The following TMEM132D variants were observed in gnomAD, a reference collection of about 807,000 sequenced individuals.
TMEM132D encodes transmembrane protein 132D.
TMEM132D carries 21 observed loss-of-function variants against 62.3 expected under a neutral mutation model. The observed-to-expected ratio is 0.34, with a 90% CI of 0.24 to 0.49. The LOEUF is 0.49. Ranked by LOEUF, TMEM132D falls within the 20% of genes least tolerant of loss-of-function variation. TMEM132D has a pLI of 0.99. For missense variants in TMEM132D, 1,346 were observed against 1,402.8 expected (o/e 0.96, Z 0.65); for synonymous variants, 621 against 575.6 (o/e 1.08, Z -1.13).
intron 3 of TMEM132D, among the ~76,000 whole-genome samples, chr12:129,419,139 G>A (rs1398035194): frequency 6.6e-6 from 1 of 152,032 alleles, no homozygotes; most frequent in Non-Finnish European, 1.5e-5. Context: ...AAAATGGGTG[G>A]AGAAAACTAA....
chr12:129,625,347 A>G (rs550690661), intron 2 of TMEM132D, among the ~76,000 whole-genome samples: 61 of 152,362 alleles, frequency 4.0e-4, no homozygotes, highest in Non-Finnish European at 7.1e-4. Context: ...TTCTCAAATA[A>G]AGTGACATTA....
At chr12:129,168,773 G>A (rs111316092) in intron 5 of TMEM132D, among the ~76,000 whole-genome samples, 253 of 152,252 alleles carry the variant, frequency 1.7e-3, no homozygotes, top group Middle Eastern at 3.4e-3. Flanking sequence ...ATTTTGATGG[G>A]AACCCAAAAG....
intron 1 of TMEM132D, among the ~76,000 whole-genome samples, chr12:129,749,372 T>A (rs947299608): frequency 6.6e-6 from 1 of 152,188 alleles, no homozygotes. Flanking sequence ...AGTAAAACTT[T>A]CATGAACTGT....
At chr12:129,365,576 C>T (rs1418800816) in intron 3 of TMEM132D, among the ~76,000 whole-genome samples, 2 of 152,098 alleles carry the variant, frequency 1.3e-5, no homozygotes, top group Non-Finnish European at 1.5e-5. Context: ...GAAAGAGGAA[C>T]CAGGATGGAG....
At chr12:129,353,322 A>C (rs943910255) in intron 3 of TMEM132D, among the ~76,000 whole-genome samples, 2 of 152,166 alleles carry the variant, frequency 1.3e-5, no homozygotes, top group Admixed American at 6.5e-5. Context: ...TGAAGCAAGG[A>C]AAATTTAAAA....
intron 5 of TMEM132D, among the ~76,000 whole-genome samples, chr12:129,114,394 T>TTCCTTCCCTCCTTCCC (rs58911236): frequency 1.2e-3 from 182 of 146,388 alleles, no homozygotes; most frequent in East Asian, 9.6e-3. Flanking sequence ...AACTCCTTCC[T>TTCCTTCCCTCCTTCCC]TCCTTCCCTC....
chr12:129,074,467 C>T lies in TMEM132D; in HGVS notation c.2708G>A (p.Gly903Glu), dbSNP rs1379305149. 1.9e-6 allele frequency: 3 copies of T among 1,614,134 alleles called. No homozygotes were observed. Among genetic ancestry groups the T allele is most frequent in the Non-Finnish European group, 2.5e-6 (3 of 1,180,028 alleles). The part of the protein sequence containing the change: ...DLPRSNGEMD[G>E]NDLMQASKGL... The stretch of plus-strand genomic sequence containing the variant: ...TTTGGATGCCTGCATAAGGTCATTC[C>T]CATCCATTTCCCCATTGCTTCTGGG... Residue 903 changes from glycine to glutamate, a missense_variant, in exon 9 of 9, where the codon GGG becomes GAG. Coordinates refer to ENST00000422113, the MANE Select transcript of TMEM132D (RefSeq NM_133448.3).
At chr12:129,572,473 A>G (rs866071246) in intron 2 of TMEM132D, among the ~76,000 whole-genome samples, 1 of 151,858 alleles carries the variant, frequency 6.6e-6, no homozygotes, top group Middle Eastern at 3.4e-3. Flanking sequence ...GTTGAGACGG[A>G]GTTTCACTCT....
chr12:129,651,125 G>C (rs568221086), intron 2 of TMEM132D, among the ~76,000 whole-genome samples: 19 of 152,120 alleles, frequency 1.2e-4, no homozygotes, highest in Admixed American at 2.6e-4. Flanking sequence ...CAATAAGTTT[G>C]TTATCATGTC....
chr12:129,253,585 T>G lies in TMEM132D; in HGVS notation c.1300-43922A>C, dbSNP rs572461848. ...CACTGGGCTTTATACCTACTATTTC[T>G]GACACTGAGCAAAGGGGATACCTTA... is the stretch of plus-strand genomic sequence containing the variant. On this transcript the variant is annotated intron_variant, in intron 4 of 8. Coordinates refer to ENST00000422113, the MANE Select transcript of TMEM132D (RefSeq NM_133448.3). 9.2e-5 allele frequency among the ~76,000 whole-genome samples: 14 copies of G among 152,352 alleles called. No individual in the cohort carries two copies. The South Asian group carries it at 2.5e-3, about 27-fold the overall frequency.
intron 4 of TMEM132D, among the ~76,000 whole-genome samples, chr12:129,279,827 C>T (rs1881093869): frequency 6.6e-6 from 1 of 152,254 alleles, no homozygotes; most frequent in Non-Finnish European, 1.5e-5. Context: ...GTGCAATTCA[C>T]TTCTAAATGA....
intron 5 of TMEM132D, among the ~76,000 whole-genome samples, chr12:129,137,438 C>CT (rs1876617561): frequency 6.6e-6 from 1 of 152,174 alleles, no homozygotes. Context: ...GTCAGGGAGG[C>CT]TAAGTCACTT....
intron 3 of TMEM132D, among the ~76,000 whole-genome samples, chr12:129,489,794 G>T (rs1874705579): frequency 1.3e-5 from 2 of 152,126 alleles, no homozygotes; most frequent in Non-Finnish European, 2.9e-5. Flanking sequence ...ACCATTCACA[G>T]ATAATTACAT....
chr12:129,662,221 G>C (rs1880254628), intron 2 of TMEM132D, among the ~76,000 whole-genome samples: 1 of 152,174 alleles, frequency 6.6e-6, no homozygotes, highest in African/African-American at 2.4e-5. Context: ...TAAATTTAGA[G>C]GTCTTTTTCA....
intron 4 of TMEM132D, among the ~76,000 whole-genome samples, chr12:129,276,460 G>C (rs779587344): frequency 1.3e-5 from 2 of 152,178 alleles, no homozygotes; most frequent in Non-Finnish European, 2.9e-5. Flanking sequence ...TCAGTTGTTT[G>C]TGTCCCTCCC....
intron 2 of TMEM132D, among the ~76,000 whole-genome samples, chr12:129,599,067 T>C (rs1033789567): frequency 7.2e-5 from 11 of 152,174 alleles, no homozygotes; most frequent in Middle Eastern, 3.2e-3. Context: ...CCCAGGTTTC[T>C]GGCAGCCAAA....
At chr12:129,136,282 C>G (rs1373493529) in intron 5 of TMEM132D, among the ~76,000 whole-genome samples, 1 of 152,190 alleles carries the variant, frequency 6.6e-6, no homozygotes, top group Non-Finnish European at 1.5e-5. Flanking sequence ...AATTGACACA[C>G]TCATTCCGTT....
chr12:129,607,386 G>A (rs1403795846), intron 2 of TMEM132D, among the ~76,000 whole-genome samples: 4 of 152,182 alleles, frequency 2.6e-5, no homozygotes, highest in South Asian at 2.1e-4. Context: ...CTGGAGCTTG[G>A]CATGCAGAAT....
At chr12:129,636,324 C>A (rs923230771) in intron 2 of TMEM132D, among the ~76,000 whole-genome samples, 1 of 152,266 alleles carries the variant, frequency 6.6e-6, no homozygotes, top group African/African-American at 2.4e-5. Context: ...GCTTTGGTTC[C>A]TTCCAAGGCC....
Sources: allele counts gnomAD v4.1 joint callset (sites outside exome capture counted in the v4.1 genomes callset), GRCh38; gene constraint gnomAD v4.1.1; transcripts MANE v1.5; gene names NCBI Gene and HGNC (gene_info 2026-07-23, HGNC 2026-07-21).